The following ULK4 variants were observed in gnomAD, a reference collection of about 807,000 sequenced individuals.
The protein encoded by ULK4 is inactive serine/threonine-protein kinase ULK4.
In ULK4, 133 loss-of-function variants were observed where a neutral mutation model predicts 160.6. The ratio of observed to expected loss-of-function variants is 0.83; its 90% CI spans 0.72 to 0.96. The LOEUF is 0.96. ULK4 is among the 40% of genes least tolerant of loss of function. The probability of loss-of-function intolerance (pLI) is 0.00; values close to 1 mark genes in which losing one functional copy is unlikely to be tolerated. For missense variants in ULK4, 1,580 were observed against 1,499.5 expected (o/e 1.05, Z -0.89); for synonymous variants, 534 against 539.8 (o/e 0.99, Z 0.15).
At chr3:41,462,629 A>G (rs1266075731) in intron 33 of ULK4, among the ~76,000 whole-genome samples, 2 of 152,190 alleles carry the variant, frequency 1.3e-5, no homozygotes, top group East Asian at 1.9e-4. Context: ...AAAGAAAATG[A>G]GCTTATGAGT....
intron 19 of ULK4, among the ~76,000 whole-genome samples, chr3:41,808,648 A>G (rs1238932103): frequency 6.6e-6 from 1 of 152,272 alleles, no homozygotes; most frequent in Non-Finnish European, 1.5e-5. Context: ...TTATTAATGA[A>G]GAGCTGTGCT....
chr3:41,673,672 A>G (rs1009034491), intron 29 of ULK4, among the ~76,000 whole-genome samples: 1 of 149,650 alleles, frequency 6.7e-6, no homozygotes, highest in South Asian at 2.1e-4. Flanking sequence ...ACTCAAACCT[A>G]AATATATATA....
At chr3:41,657,835 A>AAAAAAAAAAAAAAAAAAAAAAAAC in intron 30 of ULK4, among the ~76,000 whole-genome samples, 2 of 142,514 alleles carry the variant, frequency 1.4e-5, no homozygotes, top group Non-Finnish European at 3.1e-5. Flanking sequence ...AAAAAAAAAA[A>AAAAAAAAAAAAAAAAAAAAAAAAC]CACACACCAC....
intron 22 of ULK4, among the ~76,000 whole-genome samples, chr3:41,725,909 C>A (rs993102404): frequency 1.3e-5 from 2 of 152,168 alleles, no homozygotes; most frequent in African/African-American, 4.8e-5. Context: ...TGAGATGATT[C>A]AAAAATGAGC....
intron 35 of ULK4, among the ~76,000 whole-genome samples, chr3:41,316,772 C>T (rs146653857): frequency 4.7e-4 from 72 of 152,194 alleles, no homozygotes; most frequent in African/African-American, 1.7e-3. Flanking sequence ...ATTATTTTCC[C>T]TTCTCTCAAC....
At chr3:41,269,615 T>C (rs886143256) in intron 35 of ULK4, among the ~76,000 whole-genome samples, 3 of 152,216 alleles carry the variant, frequency 2.0e-5, no homozygotes, top group Non-Finnish European at 2.9e-5. Context: ...GATTCTAAAG[T>C]TGTTTTAATG....
chr3:41,749,568 C>T lies in ULK4; in HGVS notation c.2321+4793G>A, dbSNP rs185834381. Among the ~76,000 whole-genome samples, 117 of 152,258 alleles carry T rather than the reference C, an allele frequency of 7.7e-4. 1 individual carries two copies. The highest frequency in any genetic ancestry group is 1.1e-3 in the Non-Finnish European group (74 of 68,006). ...TGTTCTGAGCACATTTAAGGTAGGA[C>T]GGGCTAAGCTATGATGTTCAGTAGG... On this transcript the variant is annotated intron_variant, in intron 22 of 36. Transcript: ENST00000301831.
intron 35 of ULK4, among the ~76,000 whole-genome samples, chr3:41,309,379 T>C (rs1293626925): frequency 6.6e-6 from 1 of 152,012 alleles, no homozygotes; most frequent in Admixed American, 6.6e-5. Context: ...CAGGCTGGAG[T>C]GCAGCAGTTA....
intron 35 of ULK4, among the ~76,000 whole-genome samples, chr3:41,396,742 T>C (rs1314375774): frequency 1.3e-5 from 2 of 152,274 alleles, no homozygotes; most frequent in East Asian, 3.9e-4. Flanking sequence ...GCTAGGCTGA[T>C]GTACCATCTC....
Position 41,246,932 on chromosome 3 carries a change from G to T in ULK4, c.3825C>A (p.His1275Gln), listed in dbSNP as rs533518431. 6.2e-7 allele frequency: 1 copy of T among 1,613,812 alleles called. No individual in the cohort carries two copies. Among genetic ancestry groups the T allele is most frequent in the South Asian group, 1.1e-5 (1 of 90,924 alleles). ...LALEILQAVG[H>Q] ...CTTGTGCTAAGCACCTTCTTGCCTA[G>T]TGCCCAACGGCTTGGAGGATTTCCA... Residue 1275 changes from histidine to glutamine, a missense_variant, in exon 37 of 37, where the codon CAC (histidine) becomes CAA (glutamine). By Grantham distance (24) the His-to-Gln change is conservative. Coordinates refer to ENST00000301831, the MANE Select transcript of ULK4 (RefSeq NM_017886.4).
In ULK4 at chr3:41,951,398, G is replaced by GA. The variant is rs77303040; in HGVS notation, c.138+3223dup. On this transcript the variant is annotated intron_variant, in intron 2 of 36. Coordinates refer to ENST00000301831, the MANE Select transcript of ULK4 (RefSeq NM_017886.4). ...TCAAACGGCCAAAACAATCTTAAAAGAAAAAAAAAAAAAAGCTGGAAAACA... is the reference window on the plus strand; with the variant it reads ...TCAAACGGCCAAAACAATCTTAAAAGAAAAAAAAAAAAAAAGCTGGAAAACA... 5.5e-3 allele frequency among the ~76,000 whole-genome samples: 508 copies of GA among 91,680 alleles called. 1 individual carries two copies. Among genetic ancestry groups the GA allele is most frequent in the African/African-American group, 0.015 (380 of 24,966 alleles). The allele number at this position is 91,680 out of a possible 152,430, so 60.1% of individuals were successfully genotyped here. A position where few individuals can be genotyped will look rare whatever the true frequency, so the allele number is the denominator to read the frequency against.
intron 32 of ULK4, among the ~76,000 whole-genome samples, chr3:41,497,085 G>C (rs1030157453): frequency 2.7e-5 from 4 of 150,352 alleles, no homozygotes; most frequent in Admixed American, 2.0e-4. Flanking sequence ...AGATGATACA[G>C]GTTTTAAAGC....
At chr3:41,921,821 C>T (rs1041837839) in intron 5 of ULK4, among the ~76,000 whole-genome samples, 9 of 152,084 alleles carry the variant, frequency 5.9e-5, no homozygotes, top group Non-Finnish European at 1.0e-4. Flanking sequence ...TGATAAAATC[C>T]TGCTATCCAG....
chr3:41,827,931 C>T (rs372190618), intron 18 of ULK4, among the ~76,000 whole-genome samples: 8 of 152,126 alleles, frequency 5.3e-5, no homozygotes, highest in African/African-American at 1.7e-4. Flanking sequence ...TCCAGCAGCA[C>T]ATCAAAAAGC....
chr3:41,834,242 C>T (rs1309759711), intron 18 of ULK4, among the ~76,000 whole-genome samples: 1 of 151,720 alleles, frequency 6.6e-6, no homozygotes, highest in Non-Finnish European at 1.5e-5. Flanking sequence ...TGTACAAAGG[C>T]ATTCTGTATA....
intron 34 of ULK4, among the ~76,000 whole-genome samples, chr3:41,436,278 T>C (rs1232199067): frequency 1.3e-5 from 2 of 152,194 alleles, no homozygotes; most frequent in African/African-American, 4.8e-5. Context: ...GGGTATTAAA[T>C]GCATTTTCAA....
At chr3:41,355,549 ACTG>A (rs2081013674) in intron 35 of ULK4, among the ~76,000 whole-genome samples, 1 of 152,188 alleles carries the variant, frequency 6.6e-6, no homozygotes, top group Non-Finnish European at 1.5e-5. Context: ...GACTGTCAAG[ACTG>A]TTGTTTGAAA....
chr3:41,872,917 G>C (rs1697152227), intron 17 of ULK4, among the ~76,000 whole-genome samples: 1 of 146,536 alleles, frequency 6.8e-6, no homozygotes, highest in Non-Finnish European at 1.5e-5. Context: ...CAATTTGGGA[G>C]GCCAAGGCGG....
At chr3:41,672,982 C>T (rs1330323135) in intron 29 of ULK4, among the ~76,000 whole-genome samples, 1 of 152,062 alleles carries the variant, frequency 6.6e-6, no homozygotes, top group Non-Finnish European at 1.5e-5. Flanking sequence ...GGACTACAGG[C>T]ACACATCACC....
Sources: allele counts gnomAD v4.1 joint callset (sites outside exome capture counted in the v4.1 genomes callset), GRCh38; gene constraint gnomAD v4.1.1; transcripts MANE v1.5; gene names NCBI Gene and HGNC (gene_info 2026-07-23, HGNC 2026-07-21).